The following TRIP10 variants were observed in gnomAD, a reference collection of about 807,000 sequenced individuals.
The protein encoded by TRIP10 is thyroid hormone receptor interactor 10.
TRIP10 carries 54 observed loss-of-function variants against 80.9 expected under a neutral mutation model. The ratio of observed to expected loss-of-function variants is 0.67; its 90% CI spans 0.54 to 0.84. TRIP10 has a LOEUF of 0.84. Ranked by LOEUF, TRIP10 falls within the 40% of genes least tolerant of loss-of-function variation. The pLI is 0.00. For missense variants in TRIP10, 773 were observed against 815.3 expected, an observed-to-expected ratio of 0.95 and a Z score of 0.63; for synonymous variants, 321 against 307.2, an observed-to-expected ratio of 1.04 and a Z score of -0.47.
chr19:6,742,732 C>T (rs1040174664), intron 3 of TRIP10, among the ~76,000 whole-genome samples: 1 of 142,538 alleles, frequency 7.0e-6, no homozygotes, highest in Non-Finnish European at 1.5e-5. Context: ...CAGTGAGACG[C>T]AATCATGCCG....
chr19:6,751,497 G>A lies in TRIP10; in HGVS notation c.*286G>A. 8 of 620,714 alleles carry A rather than the reference G, an allele frequency of 1.3e-5. No homozygotes were observed. The highest frequency in any genetic ancestry group is 5.7e-5 in the South Asian group (1 of 17,684). The allele number at this position is 620,714 out of a possible 1,614,324, so 38.5% of individuals were successfully genotyped here. On this transcript the variant is annotated 3_prime_UTR_variant, in exon 15 of 15. Coordinates refer to ENST00000313244, the MANE Select transcript of TRIP10 (RefSeq NM_001288962.2). ...ATACAAAAATGGGAAAAAAAAAAAA[G>A]AAATTATATAAAGTTCCTAGAGTCG... is the stretch of plus-strand genomic sequence containing the variant.
rs768947769 is a variant in TRIP10 at position 6,751,207 on chromosome 19, A to G, written c.1802A>G (p.Asn601Ser). The G allele has an allele frequency of 9.9e-6, 16 of 1,613,962 alleles. 1 individual carries two copies. The Middle Eastern group carries it at 6.6e-4, about 67-fold the overall frequency. ...ACCTCCTACCTCCGAGTCACGCTCA[A>G]TTGAACCCTGCCAGAGACGGGAAGA... Reference protein sequence around the residue: ...VPTSYLRVTLN With the variant: ...VPTSYLRVTLS Residue 601 changes from asparagine (N) to serine (S), a missense_variant, in exon 15 of 15, where the codon AAT (asparagine) becomes AGT (serine). Transcript: ENST00000313244.
At chr19:6,743,289 C>G (rs748275439) in intron 5 of TRIP10, 33 bp downstream of exon 5, 4 of 1,610,970 alleles carry the variant, frequency 2.5e-6, no homozygotes, top group South Asian at 1.1e-5. Context: ...GACTGTGGCC[C>G]GGAGGCATGG....
At position 6,743,744 on chromosome 19, in the gene TRIP10, G is replaced by A. The variant is rs970390032; in HGVS notation, c.550G>A (p.Glu184Lys). 6.8e-6 allele frequency: 11 copies of A among 1,613,884 alleles called. No homozygotes were observed. The highest frequency in any genetic ancestry group is 2.7e-5 in the African/African-American group (2 of 74,852). The change falls in exon 7 of 15, where the codon GAA becomes AAA. Residue 184 changes from glutamate (E) to lysine (K), a missense_variant. Glu to Lys is a moderately conservative substitution (Grantham distance 56). Coordinates refer to ENST00000313244, the MANE Select transcript of TRIP10 (RefSeq NM_001288962.2). ...AGCCCACCTTCGGAGTCACATGGCCGAAGAAAGCAAAAACGAATATGCGGC... is the reference window on the plus strand; with the variant it reads ...AGCCCACCTTCGGAGTCACATGGCCAAAGAAAGCAAAAACGAATATGCGGC... The part of the protein sequence containing the change: ...QQAHLRSHMA[E>K]ESKNEYAAQL...
chr19:6,744,482 T>G lies in TRIP10; in HGVS notation c.643-72T>G. On this transcript the variant is annotated intron_variant, in intron 7 of 14. Transcript: ENST00000313244. The surrounding 1 kb of genome is among the most constrained non-coding windows in gnomAD (Gnocchi z 4.9). ...GGCCAGCGTGGAGCGCGATCATATT[T>G]GCAGAGTGAATCACTGTGCTTCTAG... 6.3e-7 allele frequency: 1 copy of G among 1,594,624 alleles called. No individual in the cohort carries two copies. Among genetic ancestry groups the G allele is most frequent in the Non-Finnish European group, 8.5e-7 (1 of 1,170,148 alleles).
At position 6,750,499 on chromosome 19, in the gene TRIP10, T is replaced by C. The variant is rs1969259435; in HGVS notation, c.1536-13T>C. The C allele has an allele frequency of 1.2e-6, 2 of 1,613,930 alleles. No individual in the cohort carries two copies. Among genetic ancestry groups the C allele is most frequent in the Non-Finnish European group, 1.7e-6 (2 of 1,179,932 alleles). On this transcript the variant is annotated splice_polypyrimidine_tract_variant and intron_variant, in intron 13 of 14. Coordinates refer to ENST00000313244, the MANE Select transcript of TRIP10 (RefSeq NM_001288962.2). ...GAGGGCCTGTCTTTATCTGCCGAAT[T>C]ATCCCCAAACAGCTCTGAAGAGCCT... is the stretch of plus-strand genomic sequence containing the variant.
rs1310074372 is a variant in TRIP10, at chr19:6,746,195, G to T, written c.1151G>T (p.Gly384Val). 5 of 1,528,970 alleles carry T rather than the reference G, an allele frequency of 3.3e-6. No individual in the cohort carries two copies. Among genetic ancestry groups the T allele is most frequent in the Middle Eastern group, 1.7e-4 (1 of 5,906 alleles). 94.7% of individuals were successfully genotyped at this position (1,528,970 alleles called of 1,614,324 possible). A position where few individuals can be genotyped will look rare whatever the true frequency, so the allele number is the denominator to read the frequency against. Residue 384 changes from glycine to valine, a missense_variant and splice_region_variant, in exon 10 of 15, where the codon GGG (glycine) becomes GTG (valine). Transcript: ENST00000313244. This position sits in a 1 kb window ranked among gnomAD's most constrained non-coding sequence, Gnocchi z 6.2. ...TTCCGCAGCCTTCGAGGCAGCCGTG[G>T]GGTAAGTGAGGCCTCGGGGCAGGAG... is the stretch of plus-strand genomic sequence containing the variant. Reference protein sequence around the residue: ...ASFRSLRGSRGTVVTEDFSHL... With the variant: ...ASFRSLRGSRVTVVTEDFSHL...
In TRIP10 at chr19:6,745,191, G is replaced by A. The variant is rs1969078597; in HGVS notation, c.984+197G>A. ...CCCCCGAGGCGAAGGCGGGGGCAGG[G>A]TGGGGAGGTGGGGAGGTCCGTGGCG... On this transcript the variant is annotated intron_variant, in intron 9 of 14. Transcript: ENST00000313244. This position sits in a 1 kb window ranked among gnomAD's most constrained non-coding sequence, Gnocchi z 7.2. 1 of 675,158 alleles carries A rather than the reference G, an allele frequency of 1.5e-6. No homozygotes were observed. Among genetic ancestry groups the A allele is most frequent in the Non-Finnish European group, 2.4e-6 (1 of 416,410 alleles). 41.8% of individuals were successfully genotyped at this position (675,158 alleles called of 1,614,324 possible).
chr19:6,745,111 T>A lies in TRIP10; in HGVS notation c.984+117T>A. 7.4e-7 allele frequency: 1 copy of A among 1,360,202 alleles called. No individual in the cohort carries two copies. Among genetic ancestry groups the A allele is most frequent in the Non-Finnish European group, 9.7e-7 (1 of 1,029,712 alleles). The allele number at this position is 1,360,202 out of a possible 1,614,324, so 84.3% of individuals were successfully genotyped here. ...GCCGAGTCTCGGGCAGGAATTTTCC[T>A]CTTGGCTGCCAGCCCGGACTGGAGG... is the stretch of plus-strand genomic sequence containing the variant. On this transcript the variant is annotated intron_variant, in intron 9 of 14. Coordinates refer to ENST00000313244, the MANE Select transcript of TRIP10 (RefSeq NM_001288962.2). The surrounding 1 kb of genome is among the most constrained non-coding windows in gnomAD (Gnocchi z 7.2).
intron 13 of TRIP10, 33 bp downstream of exon 13, chr19:6,750,464 A>G (rs1419595403): frequency 6.2e-7 from 1 of 1,613,778 alleles, no homozygotes; most frequent in Non-Finnish European, 8.5e-7. Flanking sequence ...GTCTGTTCCC[A>G]GGGTCCCAGG....
At chr19:6,741,199 G>A (rs1968909119) in intron 2 of TRIP10, 26 bp from the exon 3 acceptor site, 1 of 1,612,774 alleles carries the variant, frequency 6.2e-7, no homozygotes, top group African/African-American at 1.3e-5. Flanking sequence ...TGCGGGCTCA[G>A]CCCTCCTACC....
Position 6,751,049 on chromosome 19 carries a change from C to T in TRIP10, c.1658-14C>T, listed in dbSNP as rs760545673. ...CCTAAAGCAGATCTGGGCCCACCCC[C>T]ACCCCCATCACAGGGTCCAGCGAGG... On this transcript the variant is annotated splice_polypyrimidine_tract_variant and intron_variant, in intron 14 of 14. Transcript: ENST00000313244. 5 of 1,524,178 alleles carry T rather than the reference C, an allele frequency of 3.3e-6. No homozygotes were observed. The highest frequency in any genetic ancestry group is 3.5e-6 in the Non-Finnish European group (4 of 1,135,038). 94.4% of individuals were successfully genotyped at this position (1,524,178 alleles called of 1,614,324 possible). A position where few individuals can be genotyped will look rare whatever the true frequency, so the allele number is the denominator to read the frequency against.
At chr19:6,740,667 C>A in intron 1 of TRIP10, 1 of 253,536 alleles carries the variant, frequency 3.9e-6, no homozygotes, top group Non-Finnish European at 7.7e-6. Context: ...CACGCCGGGC[C>A]GGCCGGATTT....
At chr19:6,742,418 C>CA in intron 3 of TRIP10, among the ~76,000 whole-genome samples, 1 of 151,936 alleles carries the variant, frequency 6.6e-6, no homozygotes, top group South Asian at 2.1e-4. Flanking sequence ...TGTTTGATTA[C>CA]AAAATGATGT....
rs937806163 is a variant in TRIP10, at chr19:6,743,790, G to A, written c.596G>A (p.Arg199Gln). 9.3e-6 allele frequency: 15 copies of A among 1,613,886 alleles called. No homozygotes were observed. In the African/African-American group the frequency reaches 1.2e-4, roughly 13 times the overall value. Residue 199 changes from arginine to glutamine, a missense_variant, in exon 7 of 15, where the codon CGA becomes CAA. Arg to Gln is a conservative substitution (Grantham distance 43). Transcript: ENST00000313244. The part of the protein sequence containing the change: ...EYAAQLQRFN[R>Q]DQAHFYFSQM... ...GCGGCTCAACTGCAGCGCTTCAACC[G>A]AGACCAAGCCCACTTCTATTTTTCA...
chr19:6,743,681 A>G, intron 6 of TRIP10, 27 bp from the exon 7 acceptor site: 2 of 1,613,222 alleles, frequency 1.2e-6, no homozygotes, highest in Non-Finnish European at 1.7e-6. Context: ...GGAACCTGGC[A>G]GTACCTTCCA....
At chr19:6,740,810 C>T (rs1206884308) in intron 1 of TRIP10, 200 bp from the exon 2 acceptor site, 1 of 573,988 alleles carries the variant, frequency 1.7e-6, no homozygotes, top group African/African-American at 1.9e-5. Flanking sequence ...GCGCTGTTCT[C>T]CGGCCCTTCC....
chr19:6,748,704 A>C (rs1199691634), intron 11 of TRIP10: 1 of 152,164 alleles, frequency 6.6e-6, no homozygotes, highest in Non-Finnish European at 1.5e-5. Context: ...GAGGCACGAG[A>C]ATCACTTGAT....
chr19:6,741,297 G>C lies in TRIP10; in HGVS notation c.197+16G>C. The C allele has an allele frequency of 1.2e-6, 2 of 1,600,512 alleles. No homozygotes were observed. Among genetic ancestry groups the C allele is most frequent in the Non-Finnish European group, 1.7e-6 (2 of 1,173,328 alleles). On this transcript the variant is annotated intron_variant, in intron 3 of 14. Coordinates refer to ENST00000313244, the MANE Select transcript of TRIP10 (RefSeq NM_001288962.2). ...CTGAGTCCAAGTAAGGTTGGAGAGG[G>C]GCTGCAGGGCTAGATTTGTGGGGAA...
Sources: gnomAD v4.1 joint callset for allele counts (sites outside exome capture counted in the v4.1 genomes callset) on GRCh38, gnomAD v4.1.1 for gene constraint, Gnocchi (gnomAD v3.1) non-coding constraint, MANE v1.5 for transcripts, NCBI Gene and HGNC (gene_info 2026-07-23, HGNC 2026-07-21) for gene names.